MMP17: variants seen among roughly 807,000 people sequenced by gnomAD.
MMP17 encodes the protein matrix metalloproteinase-17.
In MMP17, 54 loss-of-function variants were observed where a neutral mutation model predicts 49.1. That is an observed-to-expected ratio of 1.10 (90% CI 0.88 to 1.38). MMP17 has a LOEUF of 1.38. Ranked by LOEUF, MMP17 falls within the 40% of genes most tolerant of loss-of-function variation. The probability of loss-of-function intolerance (pLI) is 0.00; values close to 1 mark genes in which losing one functional copy is unlikely to be tolerated. For synonymous variants in MMP17, 397 were observed against 383.1 expected (o/e 1.04, Z -0.42); for missense variants, 837 against 853.7 (o/e 0.98, Z 0.24).
intron 1 of MMP17, among the ~76,000 whole-genome samples, chr12:131,836,563 A>C: frequency 6.8e-6 from 1 of 147,640 alleles, no homozygotes; most frequent in Non-Finnish European, 1.5e-5. Flanking sequence ...AACTACTAGT[A>C]TTTATTTTAA....
chr12:131,842,768 C>T (rs1192984567), intron 5 of MMP17, among the ~76,000 whole-genome samples: 1 of 149,428 alleles, frequency 6.7e-6, no homozygotes, highest in Admixed American at 6.7e-5. Context: ...GTGAGACTGC[C>T]TCAAAAAAAA....
At chr12:131,843,743 G>C (rs1431793752) in intron 5 of MMP17, among the ~76,000 whole-genome samples, 2 of 152,248 alleles carry the variant, frequency 1.3e-5, no homozygotes, top group African/African-American at 4.8e-5. Context: ...CCTGTCTTCA[G>C]CTCTTTAGGG....
At position 131,844,962 on chromosome 12, in the gene MMP17, G is replaced by A. The variant is rs570553774; in HGVS notation, c.969-156G>A. 1.1e-3 allele frequency: 750 copies of A among 687,968 alleles called. 4 individuals carry two copies. Among genetic ancestry groups the A allele is most frequent in the South Asian group, 2.1e-3 (122 of 57,168 alleles). The allele number at this position is 687,968 out of a possible 1,614,324, so 42.6% of individuals were successfully genotyped here. ...GCTGAAGCGGTGGACAGGCACCCCC[G>A]TTTTAATTTGCCTTTAGCAGACCTC... On this transcript the variant is annotated intron_variant, in intron 6 of 9. Coordinates refer to ENST00000360564, the MANE Select transcript of MMP17 (RefSeq NM_016155.7).
In MMP17 at chr12:131,841,610, C is replaced by T. The variant is rs1887412585; in HGVS notation, c.707-14C>T. ...CTTCTTGCCCTTAGTTCACATGGCTCCCTGTGTCCCCAGATGCCCACGGGA... is the reference window on the plus strand; with the variant it reads ...CTTCTTGCCCTTAGTTCACATGGCTTCCTGTGTCCCCAGATGCCCACGGGA... On this transcript the variant is annotated splice_polypyrimidine_tract_variant and intron_variant, in intron 4 of 9. Transcript: ENST00000360564. 1 of 1,613,846 alleles carries T rather than the reference C, an allele frequency of 6.2e-7. No individual in the cohort carries two copies. The highest frequency in any genetic ancestry group is 8.5e-7 in the Non-Finnish European group (1 of 1,179,958).
Position 131,851,454 on chromosome 12 carries a change from C to A in MMP17, c.*180C>A, listed in dbSNP as rs911759069. The A allele has an allele frequency of 1.3e-5, 6 of 478,488 alleles. No homozygotes were observed. The highest frequency in any genetic ancestry group is 2.1e-5 in the Non-Finnish European group (6 of 292,644). The allele number at this position is 478,488 out of a possible 1,614,324, so 29.6% of individuals were successfully genotyped here. ...GCTGGGCAGGCTCAGGTGGCAAGGA[C>A]GGAGCTGTCCCCTAGTGAGGGACTG... On this transcript the variant is annotated 3_prime_UTR_variant, in exon 10 of 10. Transcript: ENST00000360564.
At chr12:131,843,086 T>C (rs1025839030) in intron 5 of MMP17, among the ~76,000 whole-genome samples, 65 of 151,720 alleles carry the variant, frequency 4.3e-4, no homozygotes, top group African/African-American at 1.4e-3. Context: ...ACCTCAGCCT[T>C]CCGAGTAGCT....
chr12:131,832,089 G>C (rs544669082), intron 1 of MMP17, among the ~76,000 whole-genome samples: 25 of 2,258 alleles, frequency 0.011, 1 homozygote, highest in African/African-American at 0.021. Flanking sequence ...GAGAGGATCT[G>C]GGGGGGACGG....
chr12:131,842,730 A>T (rs7485919), intron 5 of MMP17, among the ~76,000 whole-genome samples: 58,845 of 150,944 alleles, frequency 0.39, 12,502 homozygotes, highest in East Asian at 0.51. Context: ...CTGAGATCGC[A>T]CCACTGCACT....
intron 2 of MMP17, 81 bp from the exon 3 acceptor site, chr12:131,838,531 G>T: frequency 1.3e-6 from 2 of 1,521,328 alleles, no homozygotes; most frequent in African/African-American, 1.4e-5. Flanking sequence ...CAGAGTCAGG[G>T]CTCCCACCCT....
rs1275209715 is a variant in MMP17, at chr12:131,851,038, T to C, written c.1576T>C (p.Ser526Pro). The change falls in exon 10 of 10, where the codon TCA becomes CCA. Residue 526 changes from serine (S) to proline (P), a missense_variant. Ser to Pro is a moderately conservative substitution (Grantham distance 74). Coordinates refer to ENST00000360564, the MANE Select transcript of MMP17 (RefSeq NM_016155.7). Reference sequence around the variant, plus strand: ...CCGGGACTGGCTGGTGTGTGGAGACTCACAGGCCGATGGATCTGTGGCTGC... The same window carrying C: ...CCGGGACTGGCTGGTGTGTGGAGACCCACAGGCCGATGGATCTGTGGCTGC... ...TARDWLVCGD[S>P]QADGSVAAGV... is the part of the protein sequence containing the mutation. 1 of 1,609,012 alleles carries C rather than the reference T, an allele frequency of 6.2e-7. No homozygotes were observed. Among genetic ancestry groups the C allele is most frequent in the Non-Finnish European group, 8.5e-7 (1 of 1,178,172 alleles).
At chr12:131,843,375 A>C (rs1258138872) in intron 5 of MMP17, among the ~76,000 whole-genome samples, 1 of 148,308 alleles carries the variant, frequency 6.7e-6, no homozygotes, top group Admixed American at 6.8e-5. Flanking sequence ...CCTCCTGAAC[A>C]GCTGGGACTA....
chr12:131,839,458 G>A (rs1171589464), intron 3 of MMP17, among the ~76,000 whole-genome samples: 3 of 151,926 alleles, frequency 2.0e-5, no homozygotes, highest in Non-Finnish European at 2.9e-5. Context: ...GACTGCAGGT[G>A]CATATGACCA....
At chr12:131,844,278 G>A (rs1887578242) in intron 6 of MMP17, 197 bp downstream of exon 6, 3 of 576,126 alleles carry the variant, frequency 5.2e-6, no homozygotes, top group Non-Finnish European at 9.1e-6. Context: ...GTCCTGCACA[G>A]AAATGAGAAC....
At chr12:131,848,314 G>A (rs1057296962) in intron 8 of MMP17, among the ~76,000 whole-genome samples, 3 of 152,234 alleles carry the variant, frequency 2.0e-5, no homozygotes, top group East Asian at 1.9e-4. Flanking sequence ...TCAAACTCCC[G>A]ACCTCAGGTG....
chr12:131,837,668 C>T (rs551943905), intron 1 of MMP17, among the ~76,000 whole-genome samples: 3 of 152,330 alleles, frequency 2.0e-5, no homozygotes, highest in Admixed American at 1.3e-4. Context: ...TTGTACAGGT[C>T]GTGCACGGCA....
At chr12:131,844,119 T>G in intron 6 of MMP17, 38 bp downstream of exon 6, 1 of 1,495,496 alleles carries the variant, frequency 6.7e-7, no homozygotes, top group Non-Finnish European at 9.0e-7. Context: ...CGCTGGGGTC[T>G]GTCTGTCCTC....
rs1887649851 is a variant in MMP17, at chr12:131,845,354, A to G, written c.1109A>G (p.Gln370Arg). The G allele has an allele frequency of 1.9e-6, 3 of 1,602,210 alleles. No individual in the cohort carries two copies. The highest frequency in any genetic ancestry group is 2.6e-6 in the Non-Finnish European group (3 of 1,175,112). ...CACCTGGTGTCCCTGCAGCCGGCAC[A>G]GATGCACCGCTTCTGGCGGGGCCTG... ...DRHLVSLQPA[Q>R]MHRFWRGLPL... Residue 370 changes from glutamine to arginine, a missense_variant, in exon 8 of 10, where the codon CAG (glutamine) becomes CGG (arginine). By Grantham distance (43) the Gln-to-Arg change is conservative. Coordinates refer to ENST00000360564, the MANE Select transcript of MMP17 (RefSeq NM_016155.7).
intron 1 of MMP17, among the ~76,000 whole-genome samples, chr12:131,836,988 T>C (rs1010352232): frequency 6.6e-6 from 1 of 152,152 alleles, no homozygotes; most frequent in Non-Finnish European, 1.5e-5. Context: ...CCCTCCAGGG[T>C]AGCAGAGATG....
chr12:131,847,327 GGCGT>G lies in MMP17; in HGVS notation c.1204+1880_1204+1883del, dbSNP rs377481436. Among the ~76,000 whole-genome samples the G allele has an allele frequency of 1.8e-3, 274 of 151,382 alleles. 2 individuals carry two copies. Among genetic ancestry groups the G allele is most frequent in the African/African-American group, 6.4e-3 (262 of 41,214 alleles). ...ACTCGGGAGGCTGAGGCAGGAGAAT[GGCGT>G]GAACCTGGGAGGCGGAGTTTGCAGT... On this transcript the variant is annotated intron_variant, in intron 8 of 9. Transcript: ENST00000360564.
Sources: allele counts gnomAD v4.1 joint callset (sites outside exome capture counted in the v4.1 genomes callset), GRCh38; gene constraint gnomAD v4.1.1; transcripts MANE v1.5; gene names NCBI Gene and HGNC (gene_info 2026-07-23, HGNC 2026-07-21).